TBKBP1: variants seen among roughly 807,000 people sequenced by gnomAD.
TBKBP1 encodes TANK-binding kinase 1-binding protein 1.
A neutral mutation model predicts 69.9 loss-of-function variants in TBKBP1; 47 were observed. The observed-to-expected ratio is 0.67, with a 90% CI of 0.53 to 0.86. The LOEUF is 0.86. Among genes scored for constraint, TBKBP1 ranks in the 40% least tolerant of loss-of-function variants. TBKBP1 has a pLI of 0.00. For missense variants in TBKBP1, 831 were observed against 858.6 expected, an observed-to-expected ratio of 0.97 and a Z score of 0.40; for synonymous variants, 418 against 390.3, an observed-to-expected ratio of 1.07 and a Z score of -0.84.
At position 47,708,427 on chromosome 17, in the gene TBKBP1, G is replaced by A. The variant is rs2031772848; in HGVS notation, c.906G>A (p.Thr302=). 5.0e-6 allele frequency: 8 copies of A among 1,613,802 alleles called. No individual in the cohort carries two copies. Among genetic ancestry groups the A allele is most frequent in the African/African-American group, 1.3e-5 (1 of 74,914 alleles). ...VNLALAYTEL[T]EELGRLRELS... ...TGGCGCTGGCCTACACCGAGCTGAC[G>A]GAGGAGCTGGGCCGGCTTCGGGAGT... Residue 302 remains threonine (T), a synonymous_variant, in exon 8 of 10, where the codon ACG becomes ACA. Transcript: ENST00000578982. The surrounding 1 kb of genome is among the most constrained non-coding windows in gnomAD (Gnocchi z 4.4).
chr17:47,698,949 C>T (rs536139359), intron 5 of TBKBP1, among the ~76,000 whole-genome samples, 174 bp downstream of exon 5: 62 of 152,240 alleles, frequency 4.1e-4, no homozygotes, highest in Non-Finnish European at 7.8e-4. Flanking sequence ...CCTAATTTCT[C>T]CCCTTCTAAC....
intron 1 of TBKBP1, among the ~76,000 whole-genome samples, 151 bp downstream of exon 1, chr17:47,694,345 C>T (rs2143228525): frequency 6.6e-6 from 1 of 151,786 alleles, no homozygotes; most frequent in Middle Eastern, 3.4e-3. Flanking sequence ...GTCGGCCGCC[C>T]TCATCCCCTC....
At chr17:47,704,502 G>C (rs2031631715) in intron 7 of TBKBP1, among the ~76,000 whole-genome samples, 1 of 152,214 alleles carries the variant, frequency 6.6e-6, no homozygotes, top group South Asian at 2.1e-4. Flanking sequence ...ATCCCACAGG[G>C]GTGAGGTGGC....
intron 7 of TBKBP1, among the ~76,000 whole-genome samples, chr17:47,706,944 C>T (rs1024034804): frequency 5.9e-5 from 9 of 152,166 alleles, no homozygotes; most frequent in African/African-American, 2.2e-4. Context: ...CACACTCTCC[C>T]ATCCACATGT....
At chr17:47,706,134 G>A (rs2031687909) in intron 7 of TBKBP1, among the ~76,000 whole-genome samples, 1 of 152,160 alleles carries the variant, frequency 6.6e-6, no homozygotes, top group South Asian at 2.1e-4. Context: ...ACGACGACCT[G>A]TATCTGTCGC....
intron 6 of TBKBP1, 40 bp from the exon 7 acceptor site, chr17:47,699,594 AGG>A: frequency 1.2e-6 from 2 of 1,613,980 alleles, no homozygotes; most frequent in African/African-American, 2.7e-5. Context: ...GGGCCCTGGC[AGG>A]GGTGAGCTTG....
intron 9 of TBKBP1, 109 bp from the exon 10 acceptor site, chr17:47,710,389 C>T: frequency 2.7e-6 from 4 of 1,457,656 alleles, no homozygotes; most frequent in Middle Eastern, 1.9e-4. Context: ...TGGACCCCTC[C>T]TGCATGCCAC....
Position 47,709,099 on chromosome 17 carries a change from T to C in TBKBP1, c.1366T>C (p.Phe456Leu). ...KPPSHHVKAG[F>L]QGRRSYSELA... ...GCCCAGCCACCACGTGAAGGCCGGC[T>C]TCCAGGGCCGCCGCAGCTACTCTGA... is the stretch of plus-strand genomic sequence containing the variant. Residue 456 changes from phenylalanine to leucine, a missense_variant, in exon 9 of 10, where the codon TTC (phenylalanine) becomes CTC (leucine). Phe to Leu is a conservative substitution (Grantham distance 22, BLOSUM62 0). Transcript: ENST00000578982. 7.3e-7 allele frequency: 1 copy of C among 1,361,912 alleles called. No homozygotes were observed. The highest frequency in any genetic ancestry group is 9.4e-7 in the Non-Finnish European group (1 of 1,062,900). 84.4% of individuals were successfully genotyped at this position (1,361,912 alleles called of 1,614,324 possible). A position where few individuals can be genotyped will look rare whatever the true frequency, so the allele number is the denominator to read the frequency against.
In TBKBP1 at chr17:47,709,375, G is replaced by A; in HGVS notation, c.1642G>A (p.Gly548Ser). ...GTIRCASFCA[G>S]FPIPESPAAT... ...CATCCGCTGCGCCTCCTTCTGCGCG[G>A]GCTTCCCCATCCCCGAGTCGCCCGC... The change falls in exon 9 of 10, where the codon GGC (glycine) becomes AGC (serine). Residue 548 changes from glycine (G) to serine (S), a missense_variant. Gly to Ser is a moderately conservative substitution (Grantham distance 56). Transcript: ENST00000578982. 6.5e-7 allele frequency: 1 copy of A among 1,529,914 alleles called. No homozygotes were observed. The highest frequency in any genetic ancestry group is 1.2e-5 in the South Asian group (1 of 83,520). The allele number at this position is 1,529,914 out of a possible 1,614,324, so 94.8% of individuals were successfully genotyped here.
At chr17:47,705,442 G>A (rs1269434329) in intron 7 of TBKBP1, among the ~76,000 whole-genome samples, 5 of 152,188 alleles carry the variant, frequency 3.3e-5, no homozygotes, top group African/African-American at 4.8e-5. Context: ...CAGATCATCC[G>A]ATTCTTTTCT....
rs1460467587 is a variant in TBKBP1 at position 47,705,508 on chromosome 17, A to C, written c.873-2886A>C. 2.6e-5 allele frequency among the ~76,000 whole-genome samples: 4 copies of C among 152,210 alleles called. No individual in the cohort carries two copies. The East Asian group carries it at 5.8e-4, about 22-fold the overall frequency. On this transcript the variant is annotated intron_variant, in intron 7 of 9. Coordinates refer to ENST00000578982, the MANE Select transcript of TBKBP1 (RefSeq NM_001394755.1). ...CAGAACTTTCTCCTGTCATGTAAGC[A>C]ATAAAGCAGCATCCAAATGCAGCCA...
chr17:47,709,880 C>T (rs1453031734), intron 9 of TBKBP1, among the ~76,000 whole-genome samples: 3 of 152,226 alleles, frequency 2.0e-5, no homozygotes, highest in Non-Finnish European at 4.4e-5. Flanking sequence ...AAGTGGTCAG[C>T]ACAGTGCCTG....
At chr17:47,699,808 G>A in intron 7 of TBKBP1, 111 bp downstream of exon 7, 1 of 1,218,078 alleles carries the variant, frequency 8.2e-7, no homozygotes, top group Non-Finnish European at 1.2e-6. Context: ...ATCCTTCATA[G>A]GAAGGAGGTG....
At chr17:47,706,873 A>ACG (rs1383067976) in intron 7 of TBKBP1, among the ~76,000 whole-genome samples, 6 of 147,630 alleles carry the variant, frequency 4.1e-5, no homozygotes, top group South Asian at 2.1e-4. Flanking sequence ...ACACACACGC[A>ACG]CACACCCCTA....
intron 7 of TBKBP1, among the ~76,000 whole-genome samples, chr17:47,700,832 G>A (rs188657719): frequency 1.3e-5 from 2 of 152,234 alleles, no homozygotes; most frequent in Admixed American, 6.5e-5. Flanking sequence ...GGGCCTCCAG[G>A]GGGGCACTGG....
chr17:47,694,514 C>G (rs569532089), intron 1 of TBKBP1: 2 of 151,954 alleles, frequency 1.3e-5, no homozygotes, highest in African/African-American at 2.4e-5. Flanking sequence ...TTCTGTCGGC[C>G]GAGCGAAAGG....
chr17:47,696,411 CA>C, intron 2 of TBKBP1, 74 bp downstream of exon 2: 1 of 1,512,008 alleles, frequency 6.6e-7, no homozygotes. Context: ...TGGTAGATAC[CA>C]GGGATCCAAA....
chr17:47,704,216 G>A (rs2143318829), intron 7 of TBKBP1, among the ~76,000 whole-genome samples: 1 of 152,358 alleles, frequency 6.6e-6, no homozygotes, highest in Non-Finnish European at 1.5e-5. Flanking sequence ...GACCCGGGAT[G>A]TCAGCTCTGG....
Position 47,696,303 on chromosome 17 carries a change from C to A in TBKBP1, c.191C>A (p.Thr64Asn). The A allele has an allele frequency of 6.2e-7, 1 of 1,613,344 alleles. No individual in the cohort carries two copies. Among genetic ancestry groups the A allele is most frequent in the Non-Finnish European group, 8.5e-7 (1 of 1,179,840 alleles). ...GGGGGCCTGGAGAGGGAGAACGCCA[C>A]CCTCCGACGCCGCCTCAAAGTCTAC... ...RLGGLERENATLRRRLKVYEI... is the reference protein window; with the variant it reads ...RLGGLERENANLRRRLKVYEI... Residue 64 changes from threonine (T) to asparagine (N), a missense_variant, in exon 2 of 10, where the codon ACC (threonine) becomes AAC (asparagine). Physicochemically the swap from Thr to Asn is moderately conservative, Grantham distance 65. Transcript: ENST00000578982.
Sources: gnomAD v4.1 joint callset for allele counts (sites outside exome capture counted in the v4.1 genomes callset) on GRCh38, gnomAD v4.1.1 for gene constraint, Gnocchi (gnomAD v3.1) non-coding constraint, MANE v1.5 for transcripts, NCBI Gene and HGNC (gene_info 2026-07-23, HGNC 2026-07-21) for gene names.